Variants in PCDHA1 observed in about 807,000 individuals in gnomAD.
PCDHA1 encodes the protein protocadherin alpha-1.
In PCDHA1, 42 loss-of-function variants were observed where a neutral mutation model predicts 61.3. That is an observed-to-expected ratio of 0.69 (90% CI 0.54 to 0.89). The LOEUF (loss-of-function observed/expected upper bound fraction) is 0.89. Among genes scored for constraint, PCDHA1 ranks in the 40% least tolerant of loss-of-function variants. The probability of loss-of-function intolerance (pLI) is 0.00; values close to 1 mark genes in which losing one functional copy is unlikely to be tolerated. For synonymous variants in PCDHA1, 610 were observed against 553.8 expected, an observed-to-expected ratio of 1.10 and a Z score of -1.43; for missense variants, 1,256 against 1,235.3, an observed-to-expected ratio of 1.02 and a Z score of -0.25.
rs1318290193 is a variant in PCDHA1, at chr5:140,849,912, C to G, written c.2394+61228C>G. ...GAAGGAGAACAACCCGCCGGGCTGCCACATCTTCACGGTGTCTGCGCGGGA... is the reference window on the plus strand; with the variant it reads ...GAAGGAGAACAACCCGCCGGGCTGCGACATCTTCACGGTGTCTGCGCGGGA... On this transcript the variant is annotated intron_variant, in intron 1 of 3. Coordinates refer to ENST00000504120, the MANE Select transcript of PCDHA1 (RefSeq NM_018900.4). 51 of 1,598,266 alleles carry G rather than the reference C, an allele frequency of 3.2e-5. 3 individuals are homozygous for G. The highest frequency in any genetic ancestry group is 4.2e-5 in the Non-Finnish European group (49 of 1,167,792).
intron 1 of PCDHA1, chr5:140,869,370 G>A: frequency 6.2e-7 from 1 of 1,614,138 alleles, no homozygotes; most frequent in South Asian, 1.1e-5. Flanking sequence ...TGAATTCTCG[G>A]ATCGACCGCG....
rs1029317869 is a variant in PCDHA1 at position 140,928,735 on chromosome 5, A to G, written c.2395-50214A>G. ...TAGTCTCTTTAGAATTTCAGCCAAT[A>G]TAGGTGAGCTCCGTACTGCTCGCTT... On this transcript the variant is annotated intron_variant, in intron 1 of 3. Coordinates refer to ENST00000504120, the MANE Select transcript of PCDHA1 (RefSeq NM_018900.4). 35 of 1,614,082 alleles carry G rather than the reference A, an allele frequency of 2.2e-5. No individual in the cohort carries two copies. The highest frequency in any genetic ancestry group is 2.9e-5 in the Non-Finnish European group (34 of 1,180,020).
Position 140,808,895 on chromosome 5 carries a change from G to C in PCDHA1, c.2394+20211G>C, listed in dbSNP as rs781855860. On this transcript the variant is annotated intron_variant, in intron 1 of 3. Coordinates refer to ENST00000504120, the MANE Select transcript of PCDHA1 (RefSeq NM_018900.4). ...CGCGCCAGCACTGCTAGCGCCTCGG[G>C]CGGGTGGCACTGGTGGCGCAGTGAG... The C allele has an allele frequency of 2.9e-5, 47 of 1,613,372 alleles. No homozygotes were observed. The highest frequency in any genetic ancestry group is 3.9e-5 in the Non-Finnish European group (46 of 1,179,888).
chr5:140,796,508 G>T (rs1554119952), intron 1 of PCDHA1: 5 of 1,612,424 alleles, frequency 3.1e-6, no homozygotes, highest in Non-Finnish European at 3.4e-6. Context: ...GCGGAGAGCG[G>T]CAAGGTGTAC....
chr5:140,821,706 TG>T, intron 1 of PCDHA1: 2 of 1,441,006 alleles, frequency 1.4e-6, no homozygotes, highest in Non-Finnish European at 1.9e-6. Flanking sequence ...TATAGTTAAT[TG>T]GGAATTGAAT....
At chr5:140,927,303 G>A (rs1554204320) in intron 1 of PCDHA1, 69 of 1,614,150 alleles carry the variant, frequency 4.3e-5, no homozygotes, top group Non-Finnish European at 5.7e-5. Context: ...CCGAGTTCCT[G>A]ACGCCCGGAG....
intron 3 of PCDHA1, among the ~76,000 whole-genome samples, chr5:140,984,358 A>G (rs1443365008): frequency 1.3e-5 from 2 of 152,234 alleles, no homozygotes; most frequent in Admixed American, 1.3e-4. Flanking sequence ...TATTTCATAC[A>G]TCTGGCCAAG....
chr5:140,981,974 A>G (rs782298715), intron 2 of PCDHA1, among the ~76,000 whole-genome samples: 6 of 152,232 alleles, frequency 3.9e-5, no homozygotes, highest in Non-Finnish European at 8.8e-5. Context: ...AGATATAGAA[A>G]GAGTAAAATA....
chr5:140,848,469 T>G, intron 1 of PCDHA1: 9 of 1,548,186 alleles, frequency 5.8e-6, no homozygotes, highest in Non-Finnish European at 7.9e-6. Context: ...CAATTTTCAC[T>G]AATTAGAAGA....
chr5:140,798,698 A>G (rs1263438118), intron 1 of PCDHA1, among the ~76,000 whole-genome samples: 1 of 152,340 alleles, frequency 6.6e-6, no homozygotes, highest in Non-Finnish European at 1.5e-5. Context: ...TTTCCAAAAG[A>G]TGAGGCCTGG....
At chr5:140,883,406 G>T (rs782181791) in intron 1 of PCDHA1, 3 of 1,614,156 alleles carry the variant, frequency 1.9e-6, no homozygotes, top group Non-Finnish European at 1.7e-6. Context: ...TCGTGACTCT[G>T]GCTCAAATGG....
chr5:140,903,014 A>G (rs551984849), intron 1 of PCDHA1, among the ~76,000 whole-genome samples: 1 of 152,322 alleles, frequency 6.6e-6, no homozygotes, highest in African/African-American at 2.4e-5. Context: ...TTGTGCTGCT[A>G]TCAACATGGC....
At position 140,845,294 on chromosome 5, in the gene PCDHA1, A is replaced by G. The variant is rs2150378014; in HGVS notation, c.2394+56610A>G. Among the ~76,000 whole-genome samples, 474 of 149,590 alleles carry G rather than the reference A, an allele frequency of 3.2e-3. 41 individuals are homozygous for G. The highest frequency in any genetic ancestry group is 5.1e-3 in the Non-Finnish European group (342 of 66,782). On this transcript the variant is annotated intron_variant, in intron 1 of 3. Transcript: ENST00000504120. Reference sequence around the variant, plus strand: ...GAAAGTAATATTTCCTATCCTGTCTATGTCTACCTGGTTCTCAGGTATTAC... The same window carrying G: ...GAAAGTAATATTTCCTATCCTGTCTGTGTCTACCTGGTTCTCAGGTATTAC...
intron 1 of PCDHA1, chr5:140,855,847 C>A: frequency 3.1e-6 from 2 of 652,288 alleles, no homozygotes; most frequent in Non-Finnish European, 2.6e-6. Context: ...CACCTAAAGC[C>A]ACCGGATGTC....
chr5:140,909,935 A>G (rs2074774035), intron 1 of PCDHA1, among the ~76,000 whole-genome samples: 1 of 152,154 alleles, frequency 6.6e-6, no homozygotes, highest in Admixed American at 6.5e-5. Flanking sequence ...AATCACAGTT[A>G]CTCTGGTAAA....
chr5:140,803,320 C>T (rs782343160), intron 1 of PCDHA1: 1 of 1,614,148 alleles, frequency 6.2e-7, no homozygotes, highest in South Asian at 1.1e-5. Context: ...TGCGCGGTGT[C>T]CAGTCTGTTG....
intron 1 of PCDHA1, among the ~76,000 whole-genome samples, chr5:140,888,357 G>C (rs2061799918): frequency 6.6e-6 from 1 of 152,138 alleles, no homozygotes; most frequent in Non-Finnish European, 1.5e-5. Flanking sequence ...ATTGCTACTG[G>C]CATCTAATAA....
At chr5:140,929,228 A>G in intron 1 of PCDHA1, 1 of 1,613,898 alleles carries the variant, frequency 6.2e-7, no homozygotes, top group Non-Finnish European at 8.5e-7. Flanking sequence ...AATGCTGCCG[A>G]CCTGCGAAAT....
intron 1 of PCDHA1, among the ~76,000 whole-genome samples, chr5:140,923,204 C>T (rs1175108066): frequency 1.3e-5 from 2 of 151,950 alleles, no homozygotes; most frequent in Non-Finnish European, 2.9e-5. Flanking sequence ...ATTTGGGAGG[C>T]TAAGGTGAAA....
Sources: gnomAD v4.1 joint callset for allele counts (sites outside exome capture counted in the v4.1 genomes callset) on GRCh38, gnomAD v4.1.1 for gene constraint, MANE v1.5 for transcripts, NCBI Gene and HGNC (gene_info 2026-07-23, HGNC 2026-07-21) for gene names.